Variants in MYLK3 observed in about 807,000 individuals in gnomAD.
MYLK3 encodes the protein myosin light chain kinase 3.
Under a neutral mutation model 76.3 loss-of-function variants are expected in MYLK3, and 55 were observed. The ratio of observed to expected loss-of-function variants is 0.72; its 90% CI spans 0.58 to 0.90. The LOEUF (loss-of-function observed/expected upper bound fraction) is 0.90. Ranked by LOEUF, MYLK3 falls within the 40% of genes least tolerant of loss-of-function variation. The probability of loss-of-function intolerance (pLI) is 0.00; values close to 1 mark genes in which losing one functional copy is unlikely to be tolerated. For missense variants in MYLK3, 973 were observed against 1,053.6 expected (o/e 0.92, Z 1.06); for synonymous variants, 416 against 425.4 (o/e 0.98, Z 0.27).
chr16:46,738,960 C>T (rs1966888961), intron 2 of MYLK3, among the ~76,000 whole-genome samples: 1 of 152,194 alleles, frequency 6.6e-6, no homozygotes, highest in Non-Finnish European at 1.5e-5. Context: ...CCTGCCTCAG[C>T]CTCCTGAGTA....
chr16:46,745,429 G>A (rs985736008), intron 1 of MYLK3, among the ~76,000 whole-genome samples: 6 of 152,080 alleles, frequency 3.9e-5, no homozygotes, highest in Non-Finnish European at 8.8e-5. Flanking sequence ...CCAGGACAAT[G>A]TGAATAACAT....
intron 9 of MYLK3, among the ~76,000 whole-genome samples, chr16:46,716,798 C>G (rs1316557018): frequency 2.0e-5 from 3 of 152,142 alleles, no homozygotes; most frequent in African/African-American, 7.2e-5. Context: ...GTCCAATCAC[C>G]TTTCTATGCC....
At chr16:46,719,678 C>T (rs1171419098) in intron 9 of MYLK3, among the ~76,000 whole-genome samples, 1 of 152,212 alleles carries the variant, frequency 6.6e-6, no homozygotes, top group East Asian at 1.9e-4. Flanking sequence ...GTTCCGCAGG[C>T]CTCCTGGGGC....
intron 8 of MYLK3, 60 bp from the exon 9 acceptor site, chr16:46,721,253 C>G (rs1468088843): frequency 6.6e-7 from 1 of 1,520,346 alleles, no homozygotes; most frequent in South Asian, 1.1e-5. Flanking sequence ...GCAGCTGCCA[C>G]ACTTGTCTAT....
At chr16:46,731,582 T>G (rs1966852594) in intron 4 of MYLK3, among the ~76,000 whole-genome samples, 1 of 152,056 alleles carries the variant, frequency 6.6e-6, no homozygotes, top group South Asian at 2.1e-4. Context: ...CCGTGGACAA[T>G]TCTCAGACCA....
chr16:46,751,005 A>T, upstream of MYLK3, among the ~76,000 whole-genome samples: 1 of 152,120 alleles, frequency 6.6e-6, no homozygotes, highest in South Asian at 2.1e-4. Context: ...AAAATAATAA[A>T]AATAATAATA....
chr16:46,758,571 A>G (rs949171141), intron 1 of MYLK3, among the ~76,000 whole-genome samples: 5 of 152,194 alleles, frequency 3.3e-5, no homozygotes, highest in Non-Finnish European at 5.9e-5. Context: ...CCAGAAAGGC[A>G]TGGGGACAGC....
At chr16:46,709,391 C>T in intron 12 of MYLK3, 148 bp downstream of exon 12, 1 of 869,834 alleles carries the variant, frequency 1.1e-6, no homozygotes, top group Non-Finnish European at 1.7e-6. Context: ...CACTATACTC[C>T]AGCCTGGGCA....
intron 1 of MYLK3, among the ~76,000 whole-genome samples, chr16:46,755,744 T>C (rs1967189509): frequency 6.6e-6 from 1 of 151,934 alleles, no homozygotes; most frequent in Non-Finnish European, 1.5e-5. Flanking sequence ...TAATAACACA[T>C]ACCCTCATGG....
intron 10 of MYLK3, among the ~76,000 whole-genome samples, chr16:46,712,167 G>T (rs1158254052): frequency 4.0e-5 from 6 of 150,960 alleles, no homozygotes; most frequent in Non-Finnish European, 8.9e-5. Context: ...ATTTTTTTTG[G>T]TTTTGGTAGA....
At chr16:46,754,532 C>A (rs1472399669) in intron 1 of MYLK3, among the ~76,000 whole-genome samples, 1 of 152,162 alleles carries the variant, frequency 6.6e-6, no homozygotes, top group African/African-American at 2.4e-5. Context: ...CACTCAGCCC[C>A]TTCGCCATGG....
intron 3 of MYLK3, among the ~76,000 whole-genome samples, chr16:46,733,869 G>C (rs573161639): frequency 2.0e-5 from 3 of 152,278 alleles, no homozygotes; most frequent in African/African-American, 7.2e-5. Flanking sequence ...GGATAAGTCT[G>C]GCCTCAGTTC....
chr16:46,735,070 A>G (rs1361316694), intron 3 of MYLK3, among the ~76,000 whole-genome samples: 1 of 151,238 alleles, frequency 6.6e-6, no homozygotes. Context: ...GAGCCCGAGA[A>G]GTGGAGGCTG....
At chr16:46,743,069 C>T (rs532934118) in intron 1 of MYLK3, among the ~76,000 whole-genome samples, 1 of 152,318 alleles carries the variant, frequency 6.6e-6, no homozygotes, top group African/African-American at 2.4e-5. Flanking sequence ...CTTCAGGGCT[C>T]AGCCTTCTAG....
intron 12 of MYLK3, among the ~76,000 whole-genome samples, chr16:46,708,034 C>T (rs1293532403): frequency 1.3e-5 from 2 of 151,726 alleles, no homozygotes; most frequent in East Asian, 1.9e-4. Flanking sequence ...AGGATGGGGT[C>T]TGGCTCTGTT....
At chr16:46,721,078 A>G in intron 9 of MYLK3, 45 bp downstream of exon 9, 2 of 1,538,144 alleles carry the variant, frequency 1.3e-6, no homozygotes, top group Admixed American at 1.7e-5. Flanking sequence ...AGCCACAAAG[A>G]GTCCCAAGGA....
At chr16:46,732,048 T>C (rs1342607601) in intron 4 of MYLK3, among the ~76,000 whole-genome samples, 160 bp downstream of exon 4, 1 of 151,948 alleles carries the variant, frequency 6.6e-6, no homozygotes, top group Non-Finnish European at 1.5e-5. Flanking sequence ...TGCGCCTTGG[T>C]CTCCAGCCCC....
chr16:46,710,809 C>A lies in MYLK3; in HGVS notation c.2115-20G>T. 6.2e-7 allele frequency: 1 copy of A among 1,613,772 alleles called. No homozygotes were observed. Among genetic ancestry groups the A allele is most frequent in the Non-Finnish European group, 8.5e-7 (1 of 1,179,990 alleles). On this transcript the variant is annotated intron_variant, in intron 10 of 12. Transcript: ENST00000394809. Reference sequence around the variant, plus strand: ...CTGAGTCTATAGAAGAGAGAAAGGACCATCAGTAGGTGGAGGCCACATTTG... The same window carrying A: ...CTGAGTCTATAGAAGAGAGAAAGGAACATCAGTAGGTGGAGGCCACATTTG...
chr16:46,713,260 A>G (rs1966703534), intron 9 of MYLK3, among the ~76,000 whole-genome samples: 1 of 150,714 alleles, frequency 6.6e-6, no homozygotes, highest in Non-Finnish European at 1.5e-5. Context: ...TGCAGTGATA[A>G]GATCTCGGCT....
Sources: gnomAD v4.1 joint callset for allele counts (sites outside exome capture counted in the v4.1 genomes callset) on GRCh38, gnomAD v4.1.1 for gene constraint, MANE v1.5 for transcripts, NCBI Gene and HGNC (gene_info 2026-07-23, HGNC 2026-07-21) for gene names.